Variants in OAS2 observed in about 807,000 individuals in gnomAD.
OAS2 encodes 2'-5'-oligoadenylate synthase 2.
Under a neutral mutation model 71.3 loss-of-function variants are expected in OAS2, and 67 were observed. The observed-to-expected ratio is 0.94, with a 90% CI of 0.77 to 1.15. The LOEUF is 1.15. Ranked by LOEUF, OAS2 falls within the 50% of genes most tolerant of loss-of-function variation. OAS2 has a pLI of 0.00. For missense variants in OAS2, 789 were observed against 822.5 expected (o/e 0.96, Z 0.50); for synonymous variants, 327 against 321.8 (o/e 1.02, Z -0.17).
intron 2 of OAS2, 147 bp downstream of exon 2, chr12:112,987,455 C>G: frequency 2.1e-6 from 3 of 1,453,442 alleles, no homozygotes; most frequent in Non-Finnish European, 1.8e-6. Context: ...AGAATCCCTT[C>G]TACCCTGGAC....
chr12:113,001,751 C>T (rs2136391335), intron 5 of OAS2, among the ~76,000 whole-genome samples: 1 of 150,976 alleles, frequency 6.6e-6, no homozygotes. Context: ...TCCTTATAAG[C>T]ACAGTGGCTC....
chr12:113,002,851 G>C, intron 5 of OAS2, 81 bp from the exon 6 acceptor site: 2 of 1,299,524 alleles, frequency 1.5e-6, no homozygotes, highest in East Asian at 4.7e-5. Context: ...GCAGGGTAGG[G>C]GGCCCAGTAC....
In OAS2 at chr12:112,978,679, T is replaced by A. The variant is rs748641208; in HGVS notation, c.71T>A (p.Leu24Gln). Residue 24 changes from leucine (L) to glutamine (Q), a missense_variant, in exon 1 of 10, where the codon CTG (leucine) becomes CAG (glutamine). Coordinates refer to ENST00000392583, the MANE Select transcript of OAS2 (RefSeq NM_002535.3). This position sits in a 1 kb window ranked among gnomAD's most constrained non-coding sequence, Gnocchi z 4.2. Reference sequence around the variant, plus strand: ...CTGGGTTGGTTTATCCAGGAATACCTGAAGCCCTACGAAGAATGTCAGACA... The same window carrying A: ...CTGGGTTGGTTTATCCAGGAATACCAGAAGCCCTACGAAGAATGTCAGACA... ...QKLGWFIQEYLKPYEECQTLI... is the reference protein window; with the variant it reads ...QKLGWFIQEYQKPYEECQTLI... The A allele has an allele frequency of 6.2e-7, 1 of 1,614,164 alleles. No homozygotes were observed. Among genetic ancestry groups the A allele is most frequent in the Non-Finnish European group, 8.5e-7 (1 of 1,180,010 alleles).
intron 6 of OAS2, among the ~76,000 whole-genome samples, chr12:113,003,828 T>C (rs956897594): frequency 6.6e-6 from 1 of 152,224 alleles, no homozygotes; most frequent in Admixed American, 6.5e-5. Context: ...TCTGCGTTGA[T>C]GCCAGAACAA....
At chr12:113,006,130 T>C (rs1344748391) in intron 7 of OAS2, among the ~76,000 whole-genome samples, 1 of 152,102 alleles carries the variant, frequency 6.6e-6, no homozygotes, top group Admixed American at 6.6e-5. Flanking sequence ...TTCATTCCCT[T>C]TAATGAATGT....
At position 112,986,406 on chromosome 12, in the gene OAS2, C is replaced by T. The variant is rs937008940; in HGVS notation, c.178-632C>T. 4.6e-5 allele frequency among the ~76,000 whole-genome samples: 7 copies of T among 152,134 alleles called. No homozygotes were observed. In the South Asian group the frequency reaches 1.5e-3, roughly 32 times the overall value. ...CAGGTGGCTTGTTTGGAAGCGGCAGCAGCAGGCCAACCCTCAGGCCCTCAA... is the reference window on the plus strand; with the variant it reads ...CAGGTGGCTTGTTTGGAAGCGGCAGTAGCAGGCCAACCCTCAGGCCCTCAA... On this transcript the variant is annotated intron_variant, in intron 1 of 9. Coordinates refer to ENST00000392583, the MANE Select transcript of OAS2 (RefSeq NM_002535.3).
In OAS2 at chr12:113,004,991, G is replaced by A. The variant is rs181098272; in HGVS notation, c.1237G>A (p.Val413Met). The A allele has an allele frequency of 7.4e-6, 12 of 1,614,092 alleles. No homozygotes were observed. The highest frequency in any genetic ancestry group is 4.5e-5 in the East Asian group (2 of 44,872). The change falls in exon 7 of 10, where the codon GTG becomes ATG. Residue 413 changes from valine to methionine, a missense_variant. Coordinates refer to ENST00000392583, the MANE Select transcript of OAS2 (RefSeq NM_002535.3). ...GACTGGCTCTGATGCCGATCTCGTC[G>A]TGTTCCATAACTCACTTAAAAGCTA... Reference protein sequence around the residue: ...LKTGSDADLVVFHNSLKSYTS... With the variant: ...LKTGSDADLVMFHNSLKSYTS...
At chr12:113,002,592 C>A (rs900645669) in intron 5 of OAS2, among the ~76,000 whole-genome samples, 6 of 152,182 alleles carry the variant, frequency 3.9e-5, no homozygotes, top group African/African-American at 1.4e-4. Flanking sequence ...CAAAAAGCCA[C>A]AGGTCATTAG....
chr12:112,985,839 G>A (rs2044129801), intron 1 of OAS2, among the ~76,000 whole-genome samples: 1 of 152,190 alleles, frequency 6.6e-6, no homozygotes, highest in African/African-American at 2.4e-5. Context: ...TGGGCATGAT[G>A]GCTCATGCCT....
chr12:112,995,449 T>G lies in OAS2; in HGVS notation c.602T>G (p.Leu201Arg). 1 of 1,613,994 alleles carries G rather than the reference T, an allele frequency of 6.2e-7. No homozygotes were observed. The highest frequency in any genetic ancestry group is 8.5e-7 in the Non-Finnish European group (1 of 1,179,960). The change falls in exon 3 of 10, where the codon CTC becomes CGC. Residue 201 changes from leucine to arginine, a missense_variant. Physicochemically the swap from Leu to Arg is moderately radical, Grantham distance 102. Coordinates refer to ENST00000392583, the MANE Select transcript of OAS2 (RefSeq NM_002535.3). Reference sequence around the variant, plus strand: ...CCTGGAAAACTAAAGGATTTGATCCTCTTGATAAAGCACTGGCATCAACAG... The same window carrying G: ...CCTGGAAAACTAAAGGATTTGATCCGCTTGATAAAGCACTGGCATCAACAG... ...NRPGKLKDLILLIKHWHQQCQ... is the reference protein window; with the variant it reads ...NRPGKLKDLIRLIKHWHQQCQ...
chr12:112,987,586 G>GATT (rs2044151522), intron 2 of OAS2: 1 of 1,269,488 alleles, frequency 7.9e-7, no homozygotes, highest in South Asian at 3.3e-5. Flanking sequence ...AAATCACCTG[G>GATT]AACCTTGTTA....
In OAS2 at chr12:112,978,534, G is replaced by C. The variant is rs925535183; in HGVS notation, c.-75G>C. 6 of 1,530,424 alleles carry C rather than the reference G, an allele frequency of 3.9e-6. No individual in the cohort carries two copies. In the African/African-American group the frequency reaches 4.1e-5, roughly 11 times the overall value. 94.8% of individuals were successfully genotyped at this position (1,530,424 alleles called of 1,614,324 possible). ...TCTAGACTTCAGTTTCAGTTTCCTG[G>C]CTCTGGGCAGCAGCAAGAATTCCTC... On this transcript the variant is annotated 5_prime_UTR_variant, in exon 1 of 10. Coordinates refer to ENST00000392583, the MANE Select transcript of OAS2 (RefSeq NM_002535.3). The surrounding 1 kb of genome is among the most constrained non-coding windows in gnomAD (Gnocchi z 4.2).
At chr12:112,997,491 T>G in intron 3 of OAS2, 29 bp from the exon 4 acceptor site, 62 of 1,582,608 alleles carry the variant, frequency 3.9e-5, no homozygotes, top group Non-Finnish European at 5.0e-5. Flanking sequence ...GATCCCCCAA[T>G]GAGCTGCTAC....
At position 112,978,556 on chromosome 12, in the gene OAS2, C is replaced by G; in HGVS notation, c.-53C>G. On this transcript the variant is annotated 5_prime_UTR_variant, in exon 1 of 10. Coordinates refer to ENST00000392583, the MANE Select transcript of OAS2 (RefSeq NM_002535.3). This position sits in a 1 kb window ranked among gnomAD's most constrained non-coding sequence, Gnocchi z 4.2. ...CTGGCTCTGGGCAGCAGCAAGAATT[C>G]CTCTGCCTCCCATCCTACCATTCAC... The G allele has an allele frequency of 3.1e-6, 5 of 1,593,398 alleles. No individual in the cohort carries two copies. The highest frequency in any genetic ancestry group is 4.3e-6 in the Non-Finnish European group (5 of 1,162,944).
At chr12:112,979,317 G>A (rs1436215560) in intron 1 of OAS2, among the ~76,000 whole-genome samples, 3 of 152,168 alleles carry the variant, frequency 2.0e-5, no homozygotes, top group African/African-American at 7.2e-5. Context: ...GGGGACTGGG[G>A]AGATGCCAGG....
At chr12:112,982,720 A>AT (rs1483075921) in intron 1 of OAS2, among the ~76,000 whole-genome samples, 1 of 152,086 alleles carries the variant, frequency 6.6e-6, no homozygotes, top group Non-Finnish European at 1.5e-5. Flanking sequence ...CTCCTCTTCA[A>AT]TTTTTTTGGA....
intron 2 of OAS2, chr12:112,988,062 C>T: frequency 1.0e-6 from 1 of 985,398 alleles, no homozygotes; most frequent in Non-Finnish European, 1.2e-6. Context: ...TGAAAATAGC[C>T]ACAGTCTAAG....
At chr12:112,999,852 T>C (rs1431443784) in intron 5 of OAS2, among the ~76,000 whole-genome samples, 1 of 152,220 alleles carries the variant, frequency 6.6e-6, no homozygotes, top group Non-Finnish European at 1.5e-5. Context: ...ATGTGCAACA[T>C]TTGCTATGTT....
intron 2 of OAS2, chr12:112,988,331 T>C: frequency 5.2e-6 from 3 of 579,576 alleles, no homozygotes; most frequent in Non-Finnish European, 2.2e-6. Context: ...TCAGAGAGTC[T>C]TGAACACAGC....
Sources: allele counts gnomAD v4.1 joint callset (sites outside exome capture counted in the v4.1 genomes callset), GRCh38; gene constraint gnomAD v4.1.1; non-coding constraint Gnocchi (gnomAD v3.1); transcripts MANE v1.5; gene names NCBI Gene and HGNC (gene_info 2026-07-23, HGNC 2026-07-21).